The following BICDL1 variants were observed in gnomAD, a reference collection of about 807,000 sequenced individuals.
BICDL1 encodes BICD family like cargo adaptor 1.
A neutral mutation model predicts 76.8 loss-of-function variants in BICDL1; 20 were observed. The observed-to-expected ratio is 0.26, with a 90% CI of 0.18 to 0.38. The LOEUF is 0.38. Among genes scored for constraint, BICDL1 ranks in the 10% least tolerant of loss-of-function variants. The pLI, the probability that BICDL1 is intolerant of heterozygous loss-of-function variation, is 1.00. For synonymous variants in BICDL1, 383 were observed against 337.1 expected, an observed-to-expected ratio of 1.14 and a Z score of -1.49; for missense variants, 700 against 798.6, an observed-to-expected ratio of 0.88 and a Z score of 1.49.
chr12:120,017,702 A>G (rs902470514), intron 2 of BICDL1, among the ~76,000 whole-genome samples: 1 of 152,158 alleles, frequency 6.6e-6, no homozygotes, highest in Non-Finnish European at 1.5e-5. Flanking sequence ...ACTGTACTCC[A>G]GCCTGGGTGA....
At chr12:120,080,772 T>C in intron 7 of BICDL1, 115 bp from the exon 8 acceptor site, 2 of 1,120,750 alleles carry the variant, frequency 1.8e-6, no homozygotes, top group Non-Finnish European at 2.5e-6. Flanking sequence ...GCTACCAGCT[T>C]GCACCCCCAC....
At chr12:120,053,863 C>G (rs1405448164) in intron 2 of BICDL1, among the ~76,000 whole-genome samples, 1 of 152,028 alleles carries the variant, frequency 6.6e-6, no homozygotes, top group Non-Finnish European at 1.5e-5. Context: ...TTATCAGACT[C>G]CTCATTTGTG....
chr12:120,036,093 C>G (rs1952525671), intron 2 of BICDL1, among the ~76,000 whole-genome samples: 1 of 152,162 alleles, frequency 6.6e-6, no homozygotes, highest in Admixed American at 6.5e-5. Context: ...ATCTGTTTCA[C>G]TGGTGATGGT....
At chr12:120,034,054 A>C (rs1409079564) in intron 2 of BICDL1, among the ~76,000 whole-genome samples, 1 of 152,126 alleles carries the variant, frequency 6.6e-6, no homozygotes, top group Admixed American at 6.5e-5. Context: ...CATCTTTTGT[A>C]CTCGAGCATT....
rs565098140 is a variant in BICDL1, at chr12:120,076,288, A to G, written c.1452+1702A>G. ...GAGAGTGATTCAGACTCAGAGACAGATCTTCTAAACTGGAAAAATAAAATG... is the reference window on the plus strand; with the variant it reads ...GAGAGTGATTCAGACTCAGAGACAGGTCTTCTAAACTGGAAAAATAAAATG... On this transcript the variant is annotated intron_variant, in intron 7 of 9. Transcript: ENST00000548673. Among the ~76,000 whole-genome samples the G allele has an allele frequency of 5.3e-5, 8 of 152,338 alleles. No individual in the cohort carries two copies. In the East Asian group the frequency reaches 1.5e-3, roughly 29 times the overall value.
intron 2 of BICDL1, among the ~76,000 whole-genome samples, chr12:120,006,334 T>C (rs1951850394): frequency 6.6e-6 from 1 of 152,214 alleles, no homozygotes. Flanking sequence ...ATTTCACAAT[T>C]TGAAAAATTC....
At chr12:120,020,125 C>T (rs1952149241) in intron 2 of BICDL1, among the ~76,000 whole-genome samples, 1 of 152,090 alleles carries the variant, frequency 6.6e-6, no homozygotes, top group Non-Finnish European at 1.5e-5. Flanking sequence ...TCTGAATAAC[C>T]AGGGCTCTCT....
intron 8 of BICDL1, among the ~76,000 whole-genome samples, chr12:120,087,517 TAGGCGGCCTCTGC>T (rs1219710735): frequency 6.6e-6 from 1 of 152,210 alleles, no homozygotes. Context: ...AAGCTCGAGC[TAGGCGGCCTCTGC>T]AGGCGGATCC....
intron 2 of BICDL1, among the ~76,000 whole-genome samples, chr12:120,056,668 G>T (rs924944724): frequency 5.9e-5 from 9 of 152,014 alleles, no homozygotes; most frequent in South Asian, 2.1e-4. Context: ...AGTTAGCCGA[G>T]ATCGCGCTAC....
chr12:120,082,757 C>A (rs954442187), intron 8 of BICDL1, among the ~76,000 whole-genome samples: 2 of 151,774 alleles, frequency 1.3e-5, no homozygotes, highest in African/African-American at 2.4e-5. Context: ...TTTGTAGATA[C>A]GGGTTTTCAC....
intron 2 of BICDL1, among the ~76,000 whole-genome samples, chr12:120,011,974 C>G (rs568190109): frequency 6.6e-6 from 1 of 152,322 alleles, no homozygotes; most frequent in East Asian, 1.9e-4. Flanking sequence ...GATTCCTTCG[C>G]TCTCTAAATG....
chr12:120,071,587 T>C lies in BICDL1; in HGVS notation c.910-35T>C, dbSNP rs905255297. On this transcript the variant is annotated intron_variant, in intron 4 of 9. Transcript: ENST00000548673. This position sits in a 1 kb window ranked among gnomAD's most constrained non-coding sequence, Gnocchi z 4.8. ...GTCAGTTTGTCTTGGTTTTTGTGTT[T>C]GGTAAACCTCAACCATTTGCTCTTT... 6.4e-7 allele frequency: 1 copy of C among 1,561,098 alleles called. No individual in the cohort carries two copies. The highest frequency in any genetic ancestry group is 8.7e-7 in the Non-Finnish European group (1 of 1,153,244).
intron 2 of BICDL1, among the ~76,000 whole-genome samples, chr12:120,052,702 C>G (rs1952889086): frequency 6.6e-6 from 1 of 152,178 alleles, no homozygotes; most frequent in Non-Finnish European, 1.5e-5. Context: ...GAAACTTTTG[C>G]CCACAAATTT....
intron 6 of BICDL1, among the ~76,000 whole-genome samples, chr12:120,073,751 G>A (rs577674589): frequency 1.3e-5 from 2 of 152,170 alleles, no homozygotes; most frequent in African/African-American, 2.4e-5. Flanking sequence ...TGACCATGCC[G>A]TATTGATCTG....
At chr12:120,080,818 C>T (rs1566266005) in intron 7 of BICDL1, 69 bp from the exon 8 acceptor site, 1 of 1,574,400 alleles carries the variant, frequency 6.4e-7, no homozygotes, top group Non-Finnish European at 8.7e-7. Flanking sequence ...TCTCTTTGTT[C>T]CTTTTTCCCT....
intron 2 of BICDL1, among the ~76,000 whole-genome samples, chr12:120,032,317 G>A (rs536612160): frequency 3.9e-5 from 6 of 152,266 alleles, no homozygotes; most frequent in Non-Finnish European, 8.8e-5. Context: ...AGGATTTAAA[G>A]GGAGATTTTT....
chr12:120,060,133 ATTAGCACAG>A (rs1034635623), intron 2 of BICDL1, among the ~76,000 whole-genome samples: 1 of 152,244 alleles, frequency 6.6e-6, no homozygotes, highest in Non-Finnish European at 1.5e-5. Flanking sequence ...TTGGAAAGCA[ATTAGCACAG>A]TTCTTGACAC....
At chr12:120,058,597 T>C (rs1406554294) in intron 2 of BICDL1, among the ~76,000 whole-genome samples, 5 of 151,156 alleles carry the variant, frequency 3.3e-5, no homozygotes, top group African/African-American at 1.2e-4. Flanking sequence ...TTTCTTTTTT[T>C]TTTTTTTTTT....
chr12:120,069,554 G>A (rs1872928974), intron 4 of BICDL1, among the ~76,000 whole-genome samples: 2 of 152,204 alleles, frequency 1.3e-5, no homozygotes, highest in South Asian at 4.1e-4. Context: ...TCAACTACCT[G>A]ATGTGGAAGT....
Sources: allele counts gnomAD v4.1 joint callset (sites outside exome capture counted in the v4.1 genomes callset), GRCh38; gene constraint gnomAD v4.1.1; non-coding constraint Gnocchi (gnomAD v3.1); transcripts MANE v1.5; gene names NCBI Gene and HGNC (gene_info 2026-07-23, HGNC 2026-07-21).